The following FAM199X variants were observed in gnomAD, a reference collection of about 807,000 sequenced individuals.
FAM199X encodes protein FAM199X.
FAM199X carries 4 observed loss-of-function variants against 22.9 expected under a neutral mutation model. The ratio of observed to expected loss-of-function variants is 0.17; its 90% confidence interval spans 0.09 to 0.40. FAM199X has a LOEUF of 0.40. Among genes scored for constraint, FAM199X ranks in the 10% least tolerant of loss-of-function variants. FAM199X has a pLI of 1.00. For missense variants in FAM199X, 183 were observed against 306.8 expected (o/e 0.60, Z 3.01); for synonymous variants, 101 against 112.3 (o/e 0.90, Z 0.64).
At chrX:104,185,226 T>C (rs1176422712) in intron 2 of FAM199X, among the ~76,000 whole-genome samples, 1 of 110,130 alleles carries the variant, frequency 9.1e-6, no homozygotes, top group Non-Finnish European at 1.9e-5. Context: ...TTTAATTGTC[T>C]TGAGGTCACT....
rs189779552 is a variant in FAM199X at position 104,193,444 on chromosome X, A to G, written c.*3666A>G. ...AGGTATAGGCAAAAGCACTTCAAGG[A>G]CAGAGATTATGTAGCAAGTTGATTC... On this transcript the variant is annotated 3_prime_UTR_variant, in exon 6 of 6. Coordinates refer to ENST00000493442, the MANE Select transcript of FAM199X (RefSeq NM_207318.4). The G allele has an allele frequency of 8.0e-5, 9 of 112,100 alleles. No individual in the cohort carries two copies. Among genetic ancestry groups the G allele is most frequent in the Admixed American group, 2.8e-4 (3 of 10,569 alleles). The allele number at this position is 112,100 out of a possible 1,213,427, so 9.2% of individuals were successfully genotyped here. A position where few individuals can be genotyped will look rare whatever the true frequency, so the allele number is the denominator to read the frequency against.
At chrX:104,177,946 A>C (rs915857687) in intron 2 of FAM199X, among the ~76,000 whole-genome samples, 1 of 111,452 alleles carries the variant, frequency 9.0e-6, no homozygotes, top group Non-Finnish European at 1.9e-5. Flanking sequence ...TTTAATTTTG[A>C]TGAAGTCTAA....
At chrX:104,189,510 C>T in intron 5 of FAM199X, 98 bp from the exon 6 acceptor site, 2 of 891,954 alleles carry the variant, frequency 2.2e-6, no homozygotes, top group South Asian at 4.2e-5. Flanking sequence ...TTGAACAGCT[C>T]TTAAAGTTAG....
At chrX:104,171,402 G>A (rs782416437) in intron 1 of FAM199X, among the ~76,000 whole-genome samples, 3 of 111,455 alleles carry the variant, frequency 2.7e-5, no homozygotes, top group Non-Finnish European at 3.8e-5. Context: ...AGCTAGAGTC[G>A]AAGTGTTAGG....
At chrX:104,158,718 C>A in the FAM199X span, among the ~76,000 whole-genome samples, 1 of 111,975 alleles carries the variant, frequency 8.9e-6, no homozygotes, top group African/African-American at 3.3e-5. Context: ...CACTTCCCAA[C>A]TTATCATCAG....
chrX:104,159,168 CAA>C, the FAM199X span, among the ~76,000 whole-genome samples: 4 of 112,157 alleles, frequency 3.6e-5, no homozygotes, highest in African/African-American at 1.3e-4. Context: ...TGATGCAAAG[CAA>C]AAGTGTTGGC....
rs1921206024 is a variant in FAM199X at position 104,166,782 on chromosome X, A to G, written c.-4A>G. The stretch of plus-strand genomic sequence containing the variant: ...AGGGAGCCCGAGCCAGGCCATCTCC[A>G]ACCATGTCCGACGAGGCCTCGGCCA... On this transcript the variant is annotated 5_prime_UTR_variant, in exon 1 of 6. Transcript: ENST00000493442. 8.3e-7 allele frequency: 1 copy of G among 1,199,297 alleles called. No homozygotes were observed. The highest frequency in any genetic ancestry group is 1.1e-6 in the Non-Finnish European group (1 of 890,044).
Position 104,189,725 on chromosome X carries a change from T to G in FAM199X, c.1114T>G (p.Ser372Ala). 3 of 1,211,707 alleles carry G rather than the reference T, an allele frequency of 2.5e-6. No individual in the cohort carries two copies. Among genetic ancestry groups the G allele is most frequent in the Non-Finnish European group, 3.4e-6 (3 of 895,512 alleles). ...GCTCTTCCTTAACGAAGAGGTGCTG[T>G]CCTTGAAAGTGACTGAGGAAGACCA... ...SGLFLNEEVLSLKVTEEDHEA... is the reference protein window; with the variant it reads ...SGLFLNEEVLALKVTEEDHEA... The change falls in exon 6 of 6, where the codon TCC becomes GCC. Residue 372 changes from serine (S) to alanine (A), a missense_variant. Coordinates refer to ENST00000493442, the MANE Select transcript of FAM199X (RefSeq NM_207318.4).
At chrX:104,182,254 TG>T (rs1270111274) in intron 2 of FAM199X, among the ~76,000 whole-genome samples, 1 of 111,064 alleles carries the variant, frequency 9.0e-6, no homozygotes, top group African/African-American at 3.3e-5. Context: ...CCCAGAGTGC[TG>T]GGATTACAGG....
At chrX:104,168,619 C>T (rs1921274144) in intron 1 of FAM199X, among the ~76,000 whole-genome samples, 1 of 111,833 alleles carries the variant, frequency 8.9e-6, no homozygotes, top group South Asian at 3.7e-4. Flanking sequence ...ATGATGAGGG[C>T]AAGGGAGTGA....
chrX:104,158,211 G>A, the FAM199X span, among the ~76,000 whole-genome samples: 1 of 111,303 alleles, frequency 9.0e-6, no homozygotes, highest in Non-Finnish European at 1.9e-5. Context: ...CCCAAGAATT[G>A]CCTGAATGCC....
intron 1 of FAM199X, 72 bp from the exon 2 acceptor site, chrX:104,175,551 C>T: frequency 1.2e-6 from 1 of 861,885 alleles, no homozygotes; most frequent in Non-Finnish European, 1.6e-6. Flanking sequence ...ATAAATATGT[C>T]CTGTTAATTA....
In FAM199X at chrX:104,194,651, TTG is replaced by T. The variant is rs1251345388; in HGVS notation, c.*4877_*4878del. On this transcript the variant is annotated 3_prime_UTR_variant, in exon 6 of 6. Coordinates refer to ENST00000493442, the MANE Select transcript of FAM199X (RefSeq NM_207318.4). ...AACAAGTATTATCTATTCTGAACCT[TTG>T]TGTTGGGAATTTAAGGACTATTGTC... is the stretch of plus-strand genomic sequence containing the variant. The T allele has an allele frequency of 1.8e-5, 2 of 112,199 alleles. No individual in the cohort carries two copies. Among genetic ancestry groups the T allele is most frequent in the Non-Finnish European group, 3.8e-5 (2 of 53,141 alleles). 9.2% of individuals were successfully genotyped at this position (112,199 alleles called of 1,213,427 possible).
At chrX:104,165,588 A>AT (rs1357150910), upstream of FAM199X, among the ~76,000 whole-genome samples, 6 of 112,050 alleles carry the variant, frequency 5.4e-5, no homozygotes, top group Non-Finnish European at 9.4e-5. Flanking sequence ...AGTTTTAAAA[A>AT]TTGTCTTCTT....
At chrX:104,157,832 TAA>T in the FAM199X span, among the ~76,000 whole-genome samples, 1 of 111,735 alleles carries the variant, frequency 8.9e-6, no homozygotes, top group African/African-American at 3.2e-5. Context: ...AAGAGTATAT[TAA>T]AGAGTCTCTT....
intron 2 of FAM199X, among the ~76,000 whole-genome samples, chrX:104,181,035 T>G (rs1343540553): frequency 8.9e-6 from 1 of 112,326 alleles, no homozygotes. Flanking sequence ...TTGAGTAGTC[T>G]TAAGAGTCTG....
intron 1 of FAM199X, among the ~76,000 whole-genome samples, chrX:104,169,109 GACC>G (rs1345690471): frequency 4.5e-5 from 5 of 111,625 alleles, no homozygotes; most frequent in Non-Finnish European, 9.4e-5. Context: ...TGCTTGAGAG[GACC>G]ATAGGCTTCC....
chrX:104,190,366 G>A lies in FAM199X; in HGVS notation c.*588G>A, dbSNP rs1921908406. On this transcript the variant is annotated 3_prime_UTR_variant, in exon 6 of 6. Transcript: ENST00000493442. The stretch of plus-strand genomic sequence containing the variant: ...GGTGTGGATTGCTGTTTACGATAGT[G>A]CCTTCATTAGTTTTAGTTCTGTCTG... The A allele has an allele frequency of 8.9e-6, 1 of 111,843 alleles. No individual in the cohort carries two copies. Among genetic ancestry groups the A allele is most frequent in the South Asian group, 3.7e-4 (1 of 2,683 alleles). 9.2% of individuals were successfully genotyped at this position (111,843 alleles called of 1,213,427 possible).
At chrX:104,172,701 T>G (rs1389057128) in intron 1 of FAM199X, among the ~76,000 whole-genome samples, 1 of 109,943 alleles carries the variant, frequency 9.1e-6, no homozygotes, top group Non-Finnish European at 1.9e-5. Flanking sequence ...GGCATCTTTT[T>G]TTTTTTTTTA....
Sources: allele counts gnomAD v4.1 joint callset (sites outside exome capture counted in the v4.1 genomes callset), GRCh38; gene constraint gnomAD v4.1.1; transcripts MANE v1.5; gene names NCBI Gene and HGNC (gene_info 2026-07-23, HGNC 2026-07-21).